Variants in DPYD observed in about 807,000 individuals in gnomAD.
The protein encoded by DPYD is dihydropyrimidine dehydrogenase [NADP(+)].
DPYD carries 109 observed loss-of-function variants against 116.2 expected under a neutral mutation model. The ratio of observed to expected loss-of-function variants is 0.94; its 90% CI spans 0.80 to 1.10. The LOEUF (loss-of-function observed/expected upper bound fraction) is 1.10. DPYD is among the 50% of genes least tolerant of loss of function. DPYD has a pLI of 0.00. For synonymous variants in DPYD, 440 were observed against 432.0 expected (o/e 1.02, Z -0.23); for missense variants, 1,302 against 1,254.5 (o/e 1.04, Z -0.57).
chr1:97,394,251 A>C (rs1309561169), intron 14 of DPYD: 2 of 151,952 alleles, frequency 1.3e-5, no homozygotes, highest in East Asian at 3.9e-4. Context: ...TTGCCTGTTC[A>C]CTCTGACGGT....
chr1:97,399,723 G>A (rs1423775704), intron 14 of DPYD, among the ~76,000 whole-genome samples: 2 of 151,946 alleles, frequency 1.3e-5, no homozygotes, highest in Non-Finnish European at 2.9e-5. Context: ...GTGAATGGGA[G>A]TTCACTCATG....
intron 12 of DPYD, among the ~76,000 whole-genome samples, chr1:97,541,093 C>G (rs745464636): frequency 2.0e-5 from 3 of 152,104 alleles, no homozygotes; most frequent in African/African-American, 4.8e-5. Flanking sequence ...GTTTTCCTCC[C>G]TAAGAGACAC....
intron 13 of DPYD, among the ~76,000 whole-genome samples, chr1:97,464,055 A>C (rs1209592786): frequency 2.0e-5 from 3 of 152,022 alleles, no homozygotes; most frequent in African/African-American, 7.2e-5. Flanking sequence ...CCTGGTCAAC[A>C]TGGTGACACC....
chr1:97,518,202 C>CAT (rs1216798445), intron 12 of DPYD, among the ~76,000 whole-genome samples: 2 of 151,944 alleles, frequency 1.3e-5, no homozygotes, highest in Non-Finnish European at 2.9e-5. Flanking sequence ...CACACACACA[C>CAT]AGACACAATT....
At chr1:97,253,974 A>G (rs1003242800) in intron 18 of DPYD, among the ~76,000 whole-genome samples, 1 of 152,166 alleles carries the variant, frequency 6.6e-6, no homozygotes, top group Non-Finnish European at 1.5e-5. Context: ...AATAATAGCA[A>G]TAACAATAAC....
At chr1:97,553,905 A>G (rs952277388) in intron 11 of DPYD, among the ~76,000 whole-genome samples, 10 of 152,108 alleles carry the variant, frequency 6.6e-5, no homozygotes, top group African/African-American at 2.2e-4. Flanking sequence ...CAGTCTTTAT[A>G]AAGAATGAAA....
At chr1:97,210,856 T>C (rs1392242345) in intron 19 of DPYD, among the ~76,000 whole-genome samples, 2 of 152,140 alleles carry the variant, frequency 1.3e-5, no homozygotes, top group African/African-American at 2.4e-5. Context: ...TCTTTTCATG[T>C]CCACAACCAT....
At chr1:97,420,724 G>A (rs1482087562) in intron 14 of DPYD, among the ~76,000 whole-genome samples, 1 of 152,100 alleles carries the variant, frequency 6.6e-6, no homozygotes, top group African/African-American at 2.4e-5. Context: ...GTAGTTCCCG[G>A]TTGTGAAATA....
intron 13 of DPYD, among the ~76,000 whole-genome samples, chr1:97,485,405 T>A (rs1279981921): frequency 6.6e-6 from 1 of 152,196 alleles, no homozygotes. Context: ...TTTTGCCATG[T>A]TGGCCAGGCT....
intron 20 of DPYD, among the ~76,000 whole-genome samples, chr1:97,158,523 A>ACACACACT (rs956515247): frequency 1.4e-5 from 2 of 145,176 alleles, no homozygotes; most frequent in Non-Finnish European, 3.0e-5. Flanking sequence ...ACACACACAC[A>ACACACACT]CTCTATCCAA....
intron 14 of DPYD, among the ~76,000 whole-genome samples, chr1:97,407,893 A>G (rs1460975412): frequency 6.6e-6 from 1 of 152,194 alleles, no homozygotes; most frequent in East Asian, 1.9e-4. Context: ...ATTAAACTGC[A>G]AGTTAAGATT....
rs532602264 is a variant in DPYD, at chr1:97,575,302, G to A, written c.1129-1332C>T. On this transcript the variant is annotated intron_variant, in intron 10 of 22. Transcript: ENST00000370192. ...AGGGAGCAAAAATTAATTCTTGGGG[G>A]AAAGAAAAAAATCCTCAGATATCAT... 4.6e-4 allele frequency among the ~76,000 whole-genome samples: 70 copies of A among 152,030 alleles called. 1 individual carries two copies. The highest frequency in any genetic ancestry group is 1.4e-3 in the African/African-American group (60 of 41,512).
chr1:97,745,686 C>A (rs1241160585), intron 3 of DPYD, among the ~76,000 whole-genome samples: 31 of 151,960 alleles, frequency 2.0e-4, no homozygotes, highest in Admixed American at 2.0e-3. Context: ...ATAACAGATT[C>A]CTAAAAATTT....
intron 16 of DPYD, among the ~76,000 whole-genome samples, chr1:97,337,119 T>C (rs75113655): frequency 0.064 from 9,757 of 152,158 alleles, 420 homozygotes; most frequent in African/African-American, 0.12. Context: ...ACAAGTGTAT[T>C]GAGAGGGTGG....
At chr1:97,266,387 G>C (rs1664226581) in intron 18 of DPYD, among the ~76,000 whole-genome samples, 1 of 152,140 alleles carries the variant, frequency 6.6e-6, no homozygotes, top group Admixed American at 6.5e-5. Context: ...CAAAATCTAG[G>C]AGTGCTATCT....
chr1:97,811,441 C>T (rs1267590296), intron 3 of DPYD, among the ~76,000 whole-genome samples: 1 of 151,966 alleles, frequency 6.6e-6, no homozygotes, highest in Non-Finnish European at 1.5e-5. Flanking sequence ...CTTCAATGGC[C>T]TTACACTATA....
chr1:97,391,240 C>A (rs1428857505), intron 14 of DPYD, among the ~76,000 whole-genome samples: 1 of 151,922 alleles, frequency 6.6e-6, no homozygotes, highest in African/African-American at 2.4e-5. Flanking sequence ...CTCTAAACTG[C>A]ATCTTTTTCC....
intron 8 of DPYD, among the ~76,000 whole-genome samples, chr1:97,660,935 G>C (rs1175346994): frequency 1.3e-5 from 2 of 151,786 alleles, no homozygotes; most frequent in Admixed American, 6.6e-5. Flanking sequence ...TCTTTATCTT[G>C]CCATAAAATG....
intron 10 of DPYD, among the ~76,000 whole-genome samples, chr1:97,587,652 C>T (rs1408934504): frequency 2.6e-5 from 4 of 151,730 alleles, no homozygotes; most frequent in Non-Finnish European, 5.9e-5. Flanking sequence ...GGTGAAACCC[C>T]GTTTCGAACT....
Sources: gnomAD v4.1 joint callset for allele counts (sites outside exome capture counted in the v4.1 genomes callset) on GRCh38, gnomAD v4.1.1 for gene constraint, MANE v1.5 for transcripts, NCBI Gene and HGNC (gene_info 2026-07-23, HGNC 2026-07-21) for gene names.